NAGS: variants seen among roughly 807,000 people sequenced by gnomAD.
NAGS encodes the protein N-acetylglutamate synthase, also known as N-acetylglutamate synthase, mitochondrial.
A neutral mutation model predicts 46.9 loss-of-function variants in NAGS; 34 were observed. The ratio of observed to expected loss-of-function variants is 0.72; its 90% CI spans 0.55 to 0.97. NAGS has a LOEUF of 0.97. NAGS is among the 50% of genes least tolerant of loss of function. NAGS has a pLI of 0.00. For synonymous variants in NAGS, 334 were observed against 346.3 expected (o/e 0.96, Z 0.39); for missense variants, 665 against 747.0 (o/e 0.89, Z 1.28).
At chr17:44,008,096 C>T (rs578068680) in intron 6 of NAGS, among the ~76,000 whole-genome samples, 11 of 152,172 alleles carry the variant, frequency 7.2e-5, no homozygotes, top group Non-Finnish European at 1.3e-4. Context: ...TCAGTAACTA[C>T]CCCCTCACCC....
In NAGS at chr17:44,005,944, C is replaced by T. The variant is rs1163484588; in HGVS notation, c.701+33C>T. 6.5e-7 allele frequency: 1 copy of T among 1,549,798 alleles called. No individual in the cohort carries two copies. Among genetic ancestry groups the T allele is most frequent in the Admixed American group, 1.9e-5 (1 of 51,840 alleles). On this transcript the variant is annotated intron_variant, in intron 2 of 6. Transcript: ENST00000293404. This position sits in a 1 kb window ranked among gnomAD's most constrained non-coding sequence, Gnocchi z 7.2. The stretch of plus-strand genomic sequence containing the variant: ...CCCGCCCTGCCCGCCCAGGCGTCCT[C>T]AGAGCGTGCTACTCTGCCCGCCCTG...
chr17:44,004,976 G>T lies in NAGS; in HGVS notation c.313G>T (p.Asp105Tyr). The T allele has an allele frequency of 6.5e-7, 1 of 1,542,246 alleles. No individual in the cohort carries two copies. The highest frequency in any genetic ancestry group is 1.9e-5 in the Admixed American group (1 of 51,706). ...PPSGRSLVQR[D>Y]IQAFLNQCGA... ...TTCGGGCCGCTCGCTGGTGCAGCGG[G>T]ACATCCAGGCCTTCCTGAACCAGTG... The change falls in exon 1 of 7, where the codon GAC becomes TAC. Residue 105 changes from aspartate to tyrosine, a missense_variant. Coordinates refer to ENST00000293404, the MANE Select transcript of NAGS (RefSeq NM_153006.3).
In NAGS at chr17:44,006,819, G is replaced by A. The variant is rs558139665; in HGVS notation, c.1096+110G>A. ...TCTCCTCCTGTCCAGGAGCCGTAGG[G>A]GGAGGCGGGGGGTGTCACAGCAATG... On this transcript the variant is annotated intron_variant, in intron 4 of 6. Transcript: ENST00000293404. The surrounding 1 kb of genome is among the most constrained non-coding windows in gnomAD (Gnocchi z 4.8). 3.3e-6 allele frequency: 4 copies of A among 1,197,636 alleles called. No homozygotes were observed. The South Asian group carries it at 4.6e-5, about 14-fold the overall frequency. The allele number at this position is 1,197,636 out of a possible 1,614,324, so 74.2% of individuals were successfully genotyped here.
Position 44,006,476 on chromosome 17 carries a change from G to T in NAGS, c.916-53G>T, listed in dbSNP as rs1023579094. 4.5e-5 allele frequency: 70 copies of T among 1,545,144 alleles called. No homozygotes were observed. Among genetic ancestry groups the T allele is most frequent in the Non-Finnish European group, 6.0e-5 (69 of 1,144,992 alleles). On this transcript the variant is annotated intron_variant, in intron 3 of 6. Transcript: ENST00000293404. The surrounding 1 kb of genome is among the most constrained non-coding windows in gnomAD (Gnocchi z 4.8). ...GAAAAGAGAGGTCCGTGGGGGTAGG[G>T]GGGCAGTCCGTGCCGGCTGTGGGCC...
rs1338296891 is a variant in NAGS, at chr17:44,005,429, G to A, written c.427-208G>A. Among the ~76,000 whole-genome samples the A allele has an allele frequency of 1.3e-5, 2 of 152,246 alleles. No individual in the cohort carries two copies. The highest frequency in any genetic ancestry group is 2.9e-5 in the Non-Finnish European group (2 of 68,032). ...GATGTCCCGGAGTCCAAGGTCGGAG[G>A]GAGGAGGGCGGGAGGTACCCCAGCG... On this transcript the variant is annotated intron_variant, in intron 1 of 6. Transcript: ENST00000293404. The surrounding 1 kb of genome is among the most constrained non-coding windows in gnomAD (Gnocchi z 7.2).
In NAGS at chr17:44,007,171, C is replaced by A; in HGVS notation, c.1097-152C>A. 4.1e-6 allele frequency: 3 copies of A among 724,818 alleles called. No individual in the cohort carries two copies. The highest frequency in any genetic ancestry group is 6.7e-6 in the Non-Finnish European group (3 of 446,752). 44.9% of individuals were successfully genotyped at this position (724,818 alleles called of 1,614,324 possible). A position where few individuals can be genotyped will look rare whatever the true frequency, so the allele number is the denominator to read the frequency against. On this transcript the variant is annotated intron_variant, in intron 4 of 6. Transcript: ENST00000293404. The surrounding 1 kb of genome is among the most constrained non-coding windows in gnomAD (Gnocchi z 5.1). The stretch of plus-strand genomic sequence containing the variant: ...AAAGCATCTCCTTGAATGAAAATCA[C>A]AGACAAATCTATGCAGACCACTGAA...
In NAGS at chr17:44,007,511, C is replaced by T. The variant is rs775831375; in HGVS notation, c.1268+17C>T. ...CTCCGAGGGGTAAGCCTGCGGACCC[C>T]AGAGGGCGGGGTCTGGGGGGCAGTC... On this transcript the variant is annotated intron_variant, in intron 5 of 6. Coordinates refer to ENST00000293404, the MANE Select transcript of NAGS (RefSeq NM_153006.3). This position sits in a 1 kb window ranked among gnomAD's most constrained non-coding sequence, Gnocchi z 5.1. 1.4e-5 allele frequency: 23 copies of T among 1,613,458 alleles called. No homozygotes were observed. The highest frequency in any genetic ancestry group is 1.9e-5 in the Non-Finnish European group (22 of 1,179,932).
chr17:44,006,607 C>G lies in NAGS; in HGVS notation c.994C>G (p.Gln332Glu), dbSNP rs759371794. 1.9e-6 allele frequency: 3 copies of G among 1,604,068 alleles called. No individual in the cohort carries two copies. The highest frequency in any genetic ancestry group is 4.5e-5 in the East Asian group (2 of 44,586). ...GTGGGTGAGCACAAAAGAACGGCAGCAGATGCGGCTCATCGTGGACGTGCT... is the reference window on the plus strand; with the variant it reads ...GTGGGTGAGCACAAAAGAACGGCAGGAGATGCGGCTCATCGTGGACGTGCT... ...AEWVSTKERQ[Q>E]MRLIVDVLSR... Residue 332 changes from glutamine (Q) to glutamate (E), a missense_variant, in exon 4 of 7, where the codon CAG (glutamine) becomes GAG (glutamate). Physicochemically the swap from Gln to Glu is conservative, Grantham distance 29. Transcript: ENST00000293404. This position sits in a 1 kb window ranked among gnomAD's most constrained non-coding sequence, Gnocchi z 4.8.
rs550610656 is a variant in NAGS, at chr17:44,005,714, C to T, written c.504C>T (p.Asp168=). Residue 168 remains aspartate (D), a synonymous_variant, in exon 2 of 7, where the codon GAC becomes GAT. Coordinates refer to ENST00000293404, the MANE Select transcript of NAGS (RefSeq NM_153006.3). The surrounding 1 kb of genome is among the most constrained non-coding windows in gnomAD (Gnocchi z 7.2). ...CCCTGGCCTTCTTGCAGCGCATGGA[C>T]ATGAAGCCGCTGGTGGTCCTGGGGC... ...AFALAFLQRM[D]MKPLVVLGLP... is the part of the protein sequence containing the mutation. 331 of 1,598,272 alleles carry T rather than the reference C, an allele frequency of 2.1e-4. 4 individuals are homozygous for T. In the East Asian group the frequency reaches 7.5e-3, roughly 36 times the overall value.
In NAGS at chr17:44,005,063, G is replaced by A. The variant is rs1389162673; in HGVS notation, c.400G>A (p.Ala134Thr). Reference sequence around the variant, plus strand: ...GCAGTTCCAGACCTGCCATCACTCCGCGGACAAGCCCTTCGCCGTCATCGA... The same window carrying A: ...GCAGTTCCAGACCTGCCATCACTCCACGGACAAGCCCTTCGCCGTCATCGA... ...LTQFQTCHHS[A>T]DKPFAVIEVD... is the part of the protein sequence containing the mutation. Residue 134 changes from alanine to threonine, a missense_variant, in exon 1 of 7, where the codon GCG becomes ACG. Physicochemically the swap from Ala to Thr is moderately conservative, Grantham distance 58. Transcript: ENST00000293404. The surrounding 1 kb of genome is among the most constrained non-coding windows in gnomAD (Gnocchi z 7.2). The A allele has an allele frequency of 6.4e-7, 1 of 1,574,096 alleles. No homozygotes were observed.
rs1334869355 is a variant in NAGS, at chr17:44,004,854, C to T, written c.191C>T (p.Ala64Val). 9.2e-6 allele frequency: 14 copies of T among 1,528,536 alleles called. No homozygotes were observed. The Admixed American group carries it at 2.0e-4, about 22-fold the overall frequency. 94.7% of individuals were successfully genotyped at this position (1,528,536 alleles called of 1,614,324 possible). The change falls in exon 1 of 7, where the codon GCG becomes GTG. Residue 64 changes from alanine (A) to valine (V), a missense_variant. Coordinates refer to ENST00000293404, the MANE Select transcript of NAGS (RefSeq NM_153006.3). ...SQPQPPPEEY[A>V]GADDVSQSPV... ...CCCCAGCCCCCGCCCGAGGAGTACG[C>T]GGGCGCGGACGACGTCTCCCAGTCG...
Position 44,004,924 on chromosome 17 carries a change from G to A in NAGS, c.261G>A (p.Pro87=). Residue 87 remains proline (P), a synonymous_variant, in exon 1 of 7, where the codon CCG becomes CCA. Transcript: ENST00000293404. ...EPSWVPSPRP[P]VPHESPEPPS... is the part of the protein sequence containing the mutation. ...CGTGGGTGCCGAGTCCCAGGCCCCC[G>A]GTGCCCCACGAGTCCCCAGAGCCTC... The A allele has an allele frequency of 6.5e-7, 1 of 1,535,380 alleles. No homozygotes were observed.
Position 44,005,842 on chromosome 17 carries a change from C to G in NAGS, c.632C>G (p.Ala211Gly). 1 of 1,564,920 alleles carries G rather than the reference C, an allele frequency of 6.4e-7. No individual in the cohort carries two copies. The highest frequency in any genetic ancestry group is 1.2e-5 in the South Asian group (1 of 85,322). Residue 211 changes from alanine (A) to glycine (G), a missense_variant, in exon 2 of 7, where the codon GCC becomes GGC. Transcript: ENST00000293404. The surrounding 1 kb of genome is among the most constrained non-coding windows in gnomAD (Gnocchi z 7.2). The stretch of plus-strand genomic sequence containing the variant: ...CTGGTAGACGCGCTTCGACACAACG[C>G]CGCCGCTGCTGTGCCATTTTTTGGC... The part of the protein sequence containing the change: ...KVLVDALRHN[A>G]AAAVPFFGGG...
At position 44,005,832 on chromosome 17, in the gene NAGS, C is replaced by T. The variant is rs762205848; in HGVS notation, c.622C>T (p.Arg208Ter). ...CTGCAAGGTGCTGGTAGACGCGCTTCGACACAACGCCGCCGCTGCTGTGCC... is the reference window on the plus strand; with the variant it reads ...CTGCAAGGTGCTGGTAGACGCGCTTTGACACAACGCCGCCGCTGCTGTGCC... Reference protein sequence around the residue: ...KSCKVLVDALRHNAAAAVPFF... With the variant: ...KSCKVLVDAL The change falls in exon 2 of 7, where the codon CGA becomes TGA. Residue 208 changes from arginine to a stop codon, truncating the protein, a stop_gained. Coordinates refer to ENST00000293404, the MANE Select transcript of NAGS (RefSeq NM_153006.3). LOFTEE classifies it high-confidence loss of function. The surrounding 1 kb of genome is among the most constrained non-coding windows in gnomAD (Gnocchi z 7.2). 2.0e-5 allele frequency: 31 copies of T among 1,571,322 alleles called. No homozygotes were observed. Among genetic ancestry groups the T allele is most frequent in the Non-Finnish European group, 2.7e-5 (31 of 1,159,890 alleles).
rs1175628186 is a variant in NAGS at position 44,006,943 on chromosome 17, G to T, written c.1096+234G>T. On this transcript the variant is annotated intron_variant, in intron 4 of 6. Transcript: ENST00000293404. This position sits in a 1 kb window ranked among gnomAD's most constrained non-coding sequence, Gnocchi z 4.8. ...GAATTAAAGGAATGGGCGGGACTAG[G>T]GGGGAGAAGGAGGGGCCCCCCGGTG... The T allele has an allele frequency of 1.7e-6, 1 of 577,382 alleles. No homozygotes were observed. 35.8% of individuals were successfully genotyped at this position (577,382 alleles called of 1,614,324 possible).
Position 44,004,674 on chromosome 17 carries a change from C to T in NAGS, c.11C>T (p.Ala4Val), listed in dbSNP as rs559617405. 2.0e-6 allele frequency: 3 copies of T among 1,535,678 alleles called. No homozygotes were observed. The highest frequency in any genetic ancestry group is 2.5e-5 in the East Asian group (1 of 39,422). ...GAGTTGGTTGTCGTCATGGCGACGGCGCTGATGGCTGTGGTTCTGCGGGCA... is the reference window on the plus strand; with the variant it reads ...GAGTTGGTTGTCGTCATGGCGACGGTGCTGATGGCTGTGGTTCTGCGGGCA... The part of the protein sequence containing the change: MAT[A>V]LMAVVLRAAA... Residue 4 changes from alanine to valine, a missense_variant, in exon 1 of 7, where the codon GCG (alanine) becomes GTG (valine). Physicochemically the swap from Ala to Val is moderately conservative, Grantham distance 64 (BLOSUM62 0). Transcript: ENST00000293404.
chr17:44,006,044 T>C lies in NAGS; in HGVS notation c.722T>C (p.Val241Ala), dbSNP rs201142696. ...CACAGCTACGGCGGCATCGTCTCGG[T>C]GGAGACAGACCTGCTGCAGTGGTGC... The part of the protein sequence containing the change: ...PHASYGGIVS[V>A]ETDLLQWCLE... The change falls in exon 3 of 7, where the codon GTG becomes GCG. Residue 241 changes from valine to alanine, a missense_variant. Transcript: ENST00000293404. This position sits in a 1 kb window ranked among gnomAD's most constrained non-coding sequence, Gnocchi z 4.8. 3.6e-4 allele frequency: 580 copies of C among 1,605,038 alleles called. 3 individuals are homozygous for C. In the East Asian group the frequency reaches 0.013, roughly 36 times the overall value.
Position 44,005,989 on chromosome 17 carries a change from AG to A in NAGS, c.702-30del, listed in dbSNP as rs774428452. On this transcript the variant is annotated intron_variant, in intron 2 of 6. Coordinates refer to ENST00000293404, the MANE Select transcript of NAGS (RefSeq NM_153006.3). This position sits in a 1 kb window ranked among gnomAD's most constrained non-coding sequence, Gnocchi z 7.2. Reference sequence around the variant, plus strand: ...GCCCTGCCCCGTCCGGCAGGCCTGGAGGGGGCCCTCTCGAGCACCACGTCTG... The same window carrying A: ...GCCCTGCCCCGTCCGGCAGGCCTGGAGGGGCCCTCTCGAGCACCACGTCTG... 9 of 1,569,530 alleles carry A rather than the reference AG, an allele frequency of 5.7e-6. No homozygotes were observed. In the Admixed American group the frequency reaches 7.4e-5, roughly 13 times the overall value.
Position 44,006,670 on chromosome 17 carries a change from G to T in NAGS, c.1057G>T (p.Ala353Ser), listed in dbSNP as rs1320094253. The T allele has an allele frequency of 2.5e-6, 4 of 1,611,524 alleles. No homozygotes were observed. Among genetic ancestry groups the T allele is most frequent in the East Asian group, 2.2e-5 (1 of 44,846 alleles). ...CCACCACTCCTCGGCCGTCATCACC[G>T]CCGCTAGCACGCTGCTCACTGAGCT... is the stretch of plus-strand genomic sequence containing the variant. ...LPHHSSAVIT[A>S]ASTLLTELFS... is the part of the protein sequence containing the mutation. The change falls in exon 4 of 7, where the codon GCC becomes TCC. Residue 353 changes from alanine to serine, a missense_variant. Transcript: ENST00000293404. The surrounding 1 kb of genome is among the most constrained non-coding windows in gnomAD (Gnocchi z 4.8).
Sources: allele counts gnomAD v4.1 joint callset (sites outside exome capture counted in the v4.1 genomes callset), GRCh38; gene constraint gnomAD v4.1.1; non-coding constraint Gnocchi (gnomAD v3.1); transcripts MANE v1.5; gene names NCBI Gene and HGNC (gene_info 2026-07-23, HGNC 2026-07-21).